The following ROR1 variants were observed in gnomAD, a reference collection of about 807,000 sequenced individuals.
The protein encoded by ROR1 is ROR family WNT receptor 1.
ROR1 carries 19 observed loss-of-function variants against 78.8 expected under a neutral mutation model. That is an observed-to-expected ratio of 0.24 (90% CI 0.17 to 0.35). The LOEUF (loss-of-function observed/expected upper bound fraction) is 0.35. Ranked by LOEUF, ROR1 falls within the 10% of genes least tolerant of loss-of-function variation. The pLI is 1.00. For missense variants in ROR1, 917 were observed against 1,177.8 expected, an observed-to-expected ratio of 0.78 and a Z score of 3.24; for synonymous variants, 386 against 433.6, an observed-to-expected ratio of 0.89 and a Z score of 1.36.
chr1:64,006,464 T>TA (rs1646428444), intron 1 of ROR1, among the ~76,000 whole-genome samples: 1 of 152,070 alleles, frequency 6.6e-6, no homozygotes, highest in African/African-American at 2.4e-5. Flanking sequence ...GTTGGAGTCA[T>TA]ATGTGGAGGG....
chr1:64,060,758 A>G (rs185518337), intron 4 of ROR1, among the ~76,000 whole-genome samples: 8 of 152,270 alleles, frequency 5.3e-5, no homozygotes, highest in Non-Finnish European at 8.8e-5. Context: ...CTCTGCAGAG[A>G]AGGAGCAGAT....
chr1:63,956,594 T>C (rs1645984438), intron 1 of ROR1, among the ~76,000 whole-genome samples: 1 of 152,240 alleles, frequency 6.6e-6, no homozygotes, highest in Non-Finnish European at 1.5e-5. Flanking sequence ...TCAGTGTGTC[T>C]GAGGGGTCCT....
At chr1:64,149,119 G>A (rs1462364008) in intron 7 of ROR1, among the ~76,000 whole-genome samples, 2 of 152,096 alleles carry the variant, frequency 1.3e-5, no homozygotes, top group African/African-American at 4.8e-5. Flanking sequence ...GTTGAATACT[G>A]TGCTAAGATA....
intron 2 of ROR1, among the ~76,000 whole-genome samples, chr1:64,019,171 GTTC>G (rs1473342007): frequency 4.6e-5 from 7 of 152,196 alleles, no homozygotes; most frequent in African/African-American, 1.7e-4. Flanking sequence ...CTGCTTTAGA[GTTC>G]TTCTAGGCTA....
intron 1 of ROR1, among the ~76,000 whole-genome samples, chr1:63,908,491 A>G (rs1219273739): frequency 6.6e-6 from 1 of 152,196 alleles, no homozygotes; most frequent in Non-Finnish European, 1.5e-5. Flanking sequence ...TCTGGTGATT[A>G]TTAGTGTTAA....
At chr1:63,956,340 G>A (rs942768213) in intron 1 of ROR1, among the ~76,000 whole-genome samples, 6 of 152,198 alleles carry the variant, frequency 3.9e-5, no homozygotes, top group Non-Finnish European at 7.3e-5. Context: ...GATCAGCAGA[G>A]CTCAGCCCTC....
chr1:63,788,163 C>A (rs1383817099), intron 1 of ROR1, among the ~76,000 whole-genome samples: 1 of 152,176 alleles, frequency 6.6e-6, no homozygotes, highest in Non-Finnish European at 1.5e-5. Context: ...CACAGCCTCA[C>A]CTCACTAATC....
At chr1:63,783,877 G>A (rs908778701) in intron 1 of ROR1, among the ~76,000 whole-genome samples, 4 of 152,144 alleles carry the variant, frequency 2.6e-5, no homozygotes, top group Admixed American at 6.5e-5. Flanking sequence ...TGTGTTCCAC[G>A]ATATCCCCAT....
chr1:63,960,065 G>C (rs1646015715), intron 1 of ROR1, among the ~76,000 whole-genome samples: 1 of 152,192 alleles, frequency 6.6e-6, no homozygotes, highest in Non-Finnish European at 1.5e-5. Context: ...ATCACACTGG[G>C]TCATCAGAGT....
intron 1 of ROR1, among the ~76,000 whole-genome samples, chr1:63,888,584 C>T (rs1162363356): frequency 1.3e-5 from 2 of 152,196 alleles, no homozygotes; most frequent in East Asian, 1.9e-4. Context: ...AATTGTACCA[C>T]TGCACTCCAG....
At chr1:63,965,214 T>C (rs1170283610) in intron 1 of ROR1, among the ~76,000 whole-genome samples, 3 of 152,146 alleles carry the variant, frequency 2.0e-5, no homozygotes, top group Admixed American at 1.3e-4. Flanking sequence ...ATGGCAGAGC[T>C]CAAATCCAGC....
chr1:64,019,586 A>G (rs533103023), intron 2 of ROR1, among the ~76,000 whole-genome samples: 12 of 152,248 alleles, frequency 7.9e-5, no homozygotes, highest in South Asian at 2.1e-4. Context: ...CCTTATGGAC[A>G]TCGGGAGTAA....
intron 1 of ROR1, among the ~76,000 whole-genome samples, chr1:63,970,399 G>A (rs577965117): frequency 1.4e-4 from 22 of 152,176 alleles, no homozygotes; most frequent in Admixed American, 2.0e-4. Flanking sequence ...TTGTTTCTCC[G>A]GATGACATTA....
chr1:64,121,120 T>G, intron 4 of ROR1, among the ~76,000 whole-genome samples: 1 of 138,818 alleles, frequency 7.2e-6, no homozygotes, highest in South Asian at 2.5e-4. Flanking sequence ...TCTTCTTTCT[T>G]TTCTTCTTTC....
intron 7 of ROR1, chr1:64,142,953 G>T: frequency 8.5e-7 from 1 of 1,174,520 alleles, no homozygotes; most frequent in South Asian, 2.4e-5. Context: ...TATAGAAAAA[G>T]ATGTTACCCA....
At chr1:63,924,529 A>G (rs906093743) in intron 1 of ROR1, among the ~76,000 whole-genome samples, 6 of 152,140 alleles carry the variant, frequency 3.9e-5, no homozygotes, top group African/African-American at 1.4e-4. Flanking sequence ...GCATTGCGGT[A>G]TGGTGAGAGA....
chr1:64,112,776 T>C (rs1648159096), intron 4 of ROR1, among the ~76,000 whole-genome samples: 1 of 150,656 alleles, frequency 6.6e-6, no homozygotes, highest in Non-Finnish European at 1.5e-5. Flanking sequence ...CCCAGTGTGC[T>C]CATCAATTCT....
intron 1 of ROR1, among the ~76,000 whole-genome samples, chr1:63,837,099 A>G (rs992464439): frequency 6.6e-6 from 1 of 151,836 alleles, no homozygotes; most frequent in Non-Finnish European, 1.5e-5. Flanking sequence ...TTTCCACTGA[A>G]CTCCAGTTTC....
chr1:63,808,581 T>C (rs1445118524), intron 1 of ROR1, among the ~76,000 whole-genome samples: 1 of 152,248 alleles, frequency 6.6e-6, no homozygotes, highest in Non-Finnish European at 1.5e-5. Context: ...CCTTCCCTTA[T>C]TATTGAGCAG....
Sources: allele counts gnomAD v4.1 joint callset (sites outside exome capture counted in the v4.1 genomes callset), GRCh38; gene constraint gnomAD v4.1.1; transcripts MANE v1.5; gene names NCBI Gene and HGNC (gene_info 2026-07-23, HGNC 2026-07-21).